Variants in PRKCB observed in about 807,000 individuals in gnomAD.
The protein encoded by PRKCB is protein kinase C beta.
In PRKCB, 13 loss-of-function variants were observed where a neutral mutation model predicts 81.5. The ratio of observed to expected loss-of-function variants is 0.16; its 90% confidence interval spans 0.10 to 0.25. The LOEUF (loss-of-function observed/expected upper bound fraction) is 0.25, where lower values mean the gene tolerates loss of function less well. Among genes scored for constraint, PRKCB ranks in the 10% least tolerant of loss-of-function variants. The probability of loss-of-function intolerance (pLI) is 1.00; values close to 1 mark genes in which losing one functional copy is unlikely to be tolerated. For missense variants in PRKCB, 509 were observed against 875.7 expected (o/e 0.58, Z 5.29); for synonymous variants, 335 against 321.4 (o/e 1.04, Z -0.45).
At chr16:23,977,946 A>T (rs1567332215) in intron 2 of PRKCB, among the ~76,000 whole-genome samples, 1 of 152,162 alleles carries the variant, frequency 6.6e-6, no homozygotes, top group Admixed American at 6.6e-5. Context: ...TCATTCGCTC[A>T]CATTTTTAGT....
intron 2 of PRKCB, chr16:23,893,082 G>C (rs1014042580): frequency 5.3e-5 from 8 of 152,090 alleles, no homozygotes; most frequent in African/African-American, 1.9e-4. Context: ...AGACCCTGCT[G>C]AGATCTTTGG....
At chr16:24,178,625 G>A (rs189223671) in intron 12 of PRKCB, among the ~76,000 whole-genome samples, 1 of 152,330 alleles carries the variant, frequency 6.6e-6, no homozygotes, top group Non-Finnish European at 1.5e-5. Flanking sequence ...GGTTTTCTGA[G>A]TTCCAAACTT....
At chr16:23,882,004 T>TTCTGTCTTTC (rs150470820) in intron 2 of PRKCB, among the ~76,000 whole-genome samples, 1 of 71,970 alleles carries the variant, frequency 1.4e-5, no homozygotes, top group Non-Finnish European at 3.0e-5. Context: ...CTTTCTTTCT[T>TTCTGTCTTTC]TCTTTCTTTC....
Position 23,837,300 on chromosome 16 carries a change from G to T in PRKCB, c.174-75G>T, listed in dbSNP as rs1375630747. 8.3e-6 allele frequency: 13 copies of T among 1,573,496 alleles called. No homozygotes were observed. The East Asian group carries it at 2.5e-4, about 30-fold the overall frequency. ...GGGTACAGAGGCAGGGAGGAAGGCG[G>T]GTGACTCTGTGGGTAACTAGCTGGA... On this transcript the variant is annotated intron_variant, in intron 1 of 16. Transcript: ENST00000643927.
intron 1 of PRKCB, among the ~76,000 whole-genome samples, chr16:23,836,611 G>A (rs1375567622): frequency 6.6e-6 from 1 of 151,490 alleles, no homozygotes; most frequent in Non-Finnish European, 1.5e-5. Context: ...AGCGCCCAGG[G>A]GCGGCGTCGC....
rs955728614 is a variant in PRKCB at position 24,128,719 on chromosome 16, TA to T, written c.1065+4739del. ...AAAAATTATTTTATTTCTCAACTTT[TA>T]TTTTAGATACAGAGGGTACATGCGC... On this transcript the variant is annotated intron_variant, in intron 9 of 16. Coordinates refer to ENST00000643927, the MANE Select transcript of PRKCB (RefSeq NM_002738.7). Among the ~76,000 whole-genome samples the T allele has an allele frequency of 1.6e-4, 24 of 152,222 alleles. 1 individual carries two copies. The highest frequency in any genetic ancestry group is 1.9e-4 in the Non-Finnish European group (13 of 68,042).
chr16:24,121,006 A>C (rs1009666007), intron 8 of PRKCB, among the ~76,000 whole-genome samples: 1 of 152,186 alleles, frequency 6.6e-6, no homozygotes, highest in East Asian at 1.9e-4. Context: ...GTATGGTCAT[A>C]CCATAGCCCT....
chr16:24,121,665 C>T (rs964382078), intron 8 of PRKCB, among the ~76,000 whole-genome samples: 4 of 152,206 alleles, frequency 2.6e-5, no homozygotes, highest in African/African-American at 9.7e-5. Flanking sequence ...TCAGCCACCA[C>T]ATCCAGCCTC....
chr16:24,082,939 A>G (rs964219735), intron 5 of PRKCB, among the ~76,000 whole-genome samples: 10 of 152,222 alleles, frequency 6.6e-5, no homozygotes, highest in Admixed American at 2.6e-4. Context: ...CACATATCTG[A>G]CAAAGGACTT....
chr16:23,917,356 C>T (rs890157557), intron 2 of PRKCB, among the ~76,000 whole-genome samples: 3 of 152,212 alleles, frequency 2.0e-5, no homozygotes, highest in Admixed American at 6.5e-5. Flanking sequence ...GGATTACTGG[C>T]GTGAGCCACC....
At chr16:23,875,085 G>T (rs1962972746) in intron 2 of PRKCB, among the ~76,000 whole-genome samples, 1 of 149,190 alleles carries the variant, frequency 6.7e-6, no homozygotes, top group African/African-American at 2.5e-5. Context: ...TGCCCAGGCT[G>T]GAGTGTGGTA....
intron 7 of PRKCB, among the ~76,000 whole-genome samples, chr16:24,109,372 G>GCCT (rs1470281665): frequency 2.6e-5 from 3 of 115,356 alleles, no homozygotes; most frequent in African/African-American, 1.2e-4. Flanking sequence ...TAGGCGGAGG[G>GCCT]GCTCCTCACT....
intron 2 of PRKCB, among the ~76,000 whole-genome samples, chr16:23,986,108 G>C (rs1964799934): frequency 6.6e-6 from 1 of 151,986 alleles, no homozygotes; most frequent in Admixed American, 6.6e-5. Flanking sequence ...CCATATAAAA[G>C]TACAAAAAAA....
At chr16:24,080,641 G>A (rs2141892227) in intron 5 of PRKCB, among the ~76,000 whole-genome samples, 1 of 152,264 alleles carries the variant, frequency 6.6e-6, no homozygotes, top group Admixed American at 6.5e-5. Context: ...AAGAGGTGTG[G>A]GTGGGAGTTG....
chr16:23,839,266 G>A (rs117085514), intron 2 of PRKCB, among the ~76,000 whole-genome samples: 498 of 134,688 alleles, frequency 3.7e-3, no homozygotes, highest in Middle Eastern at 0.012. Context: ...GGGCGCTCTA[G>A]AGATAGGAGT....
Position 24,115,957 on chromosome 16 carries a change from C to T in PRKCB, c.918+2888C>T, listed in dbSNP as rs138666539. 5.1e-3 allele frequency among the ~76,000 whole-genome samples: 775 copies of T among 151,820 alleles called. 7 individuals are homozygous for T. Among genetic ancestry groups the T allele is most frequent in the African/African-American group, 0.018 (738 of 41,220 alleles). On this transcript the variant is annotated intron_variant, in intron 8 of 16. Transcript: ENST00000643927. Reference sequence around the variant, plus strand: ...AGCCAGGATGGTCTCGATCTCCTGACCTCGTGATCCGTCTGCCTCGGCCTC... The same window carrying T: ...AGCCAGGATGGTCTCGATCTCCTGATCTCGTGATCCGTCTGCCTCGGCCTC...
chr16:24,168,296 C>G (rs1427102436), intron 10 of PRKCB, among the ~76,000 whole-genome samples: 1 of 152,124 alleles, frequency 6.6e-6, no homozygotes, highest in Non-Finnish European at 1.5e-5. Context: ...ACTTCAAATA[C>G]TGTATTGACT....
intron 16 of PRKCB, 117 bp downstream of exon 16, chr16:24,191,347 G>A: frequency 8.4e-7 from 1 of 1,195,822 alleles, no homozygotes; most frequent in Non-Finnish European, 1.2e-6. Flanking sequence ...ACTGGAACAT[G>A]GGTGTATGTA....
intron 5 of PRKCB, 71 bp from the exon 6 acceptor site, chr16:24,092,720 T>C (rs542106878): frequency 7.0e-7 from 1 of 1,435,872 alleles, no homozygotes; most frequent in Admixed American, 2.0e-5. Context: ...CCACAAGTTC[T>C]GCAGCTGTCA....
Sources: allele counts gnomAD v4.1 joint callset (sites outside exome capture counted in the v4.1 genomes callset), GRCh38; gene constraint gnomAD v4.1.1; transcripts MANE v1.5; gene names NCBI Gene and HGNC (gene_info 2026-07-23, HGNC 2026-07-21).